Variants in VAV1 observed in about 807,000 individuals in gnomAD.
The protein encoded by VAV1 is proto-oncogene vav.
Under a neutral mutation model 128.1 loss-of-function variants are expected in VAV1, and 33 were observed. The ratio of observed to expected loss-of-function variants is 0.26; its 90% CI spans 0.20 to 0.34. The LOEUF (loss-of-function observed/expected upper bound fraction) is 0.34, where lower values mean the gene tolerates loss of function less well. Ranked by LOEUF, VAV1 falls within the 10% of genes least tolerant of loss-of-function variation. VAV1 has a pLI of 1.00. For missense variants in VAV1, 715 were observed against 1,093.7 expected (o/e 0.65, Z 4.88); for synonymous variants, 394 against 409.8 (o/e 0.96, Z 0.47).
intron 22 of VAV1, among the ~76,000 whole-genome samples, chr19:6,847,335 G>C (rs1451517389): frequency 2.0e-5 from 3 of 152,060 alleles, no homozygotes; most frequent in African/African-American, 7.2e-5. Context: ...CAGCCCCCGG[G>C]AACCAAGGGT....
Position 6,837,040 on chromosome 19 carries a change from C to A in VAV1, c.1970C>A (p.Pro657His), listed in dbSNP as rs1438844911. Reference protein sequence around the residue: ...IGWFPCNRVKPYVHGPPQDLS... With the variant: ...IGWFPCNRVKHYVHGPPQDLS... The stretch of plus-strand genomic sequence containing the variant: ...TGGTTTCCTTGTAACAGGGTGAAGC[C>A]CTATGTCCATGTGAGTGCCTCAAGT... The change falls in exon 21 of 27, where the codon CCC (proline) becomes CAC (histidine). Residue 657 changes from proline to histidine, a missense_variant. Physicochemically the swap from Pro to His is moderately conservative, Grantham distance 77. Coordinates refer to ENST00000602142, the MANE Select transcript of VAV1 (RefSeq NM_005428.4). 1 of 1,614,064 alleles carries A rather than the reference C, an allele frequency of 6.2e-7. No individual in the cohort carries two copies. The highest frequency in any genetic ancestry group is 1.1e-5 in the South Asian group (1 of 91,068).
chr19:6,854,601 G>A (rs913331772), intron 26 of VAV1, among the ~76,000 whole-genome samples: 5 of 152,194 alleles, frequency 3.3e-5, no homozygotes, highest in Admixed American at 2.0e-4. Flanking sequence ...GTGTGTCCCA[G>A]GTACTCAGGA....
At chr19:6,791,671 G>A (rs373395748) in intron 1 of VAV1, among the ~76,000 whole-genome samples, 82 of 152,308 alleles carry the variant, frequency 5.4e-4, no homozygotes, top group South Asian at 2.9e-3. Context: ...ATCTTTAGAG[G>A]GGGCCAGACC....
At chr19:6,793,796 CCTCT>C (rs1399190073) in intron 1 of VAV1, among the ~76,000 whole-genome samples, 20 of 152,198 alleles carry the variant, frequency 1.3e-4, no homozygotes, top group African/African-American at 4.8e-4. Flanking sequence ...TCACACAGAA[CCTCT>C]CTGTGACTCA....
intron 25 of VAV1, 93 bp from the exon 26 acceptor site, chr19:6,853,854 A>T (rs774080546): frequency 3.3e-6 from 5 of 1,518,968 alleles, no homozygotes; most frequent in Non-Finnish European, 4.4e-6. Context: ...GGAGCCCTTT[A>T]TCCTGGAGTT....
chr19:6,822,701 G>C lies in VAV1; in HGVS notation c.654+187G>C, dbSNP rs1971823697. On this transcript the variant is annotated intron_variant, in intron 6 of 26. Coordinates refer to ENST00000602142, the MANE Select transcript of VAV1 (RefSeq NM_005428.4). The surrounding 1 kb of genome is among the most constrained non-coding windows in gnomAD (Gnocchi z 5.9). ...ATGTATATATAAATATGAGTCTGAC[G>C]TATATATATATTAAAAAATATATAT... Among the ~76,000 whole-genome samples, 1 of 149,256 alleles carries C rather than the reference G, an allele frequency of 6.7e-6. No homozygotes were observed. The highest frequency in any genetic ancestry group is 2.4e-5 in the African/African-American group (1 of 40,888).
At position 6,826,727 on chromosome 19, in the gene VAV1, C is replaced by T. The variant is rs1180241917; in HGVS notation, c.927+16C>T. The T allele has an allele frequency of 6.5e-7, 1 of 1,536,214 alleles. No homozygotes were observed. The highest frequency in any genetic ancestry group is 2.4e-5 in the East Asian group (1 of 41,032). On this transcript the variant is annotated intron_variant, in intron 9 of 26. Coordinates refer to ENST00000602142, the MANE Select transcript of VAV1 (RefSeq NM_005428.4). The surrounding 1 kb of genome is among the most constrained non-coding windows in gnomAD (Gnocchi z 4.1). Reference sequence around the variant, plus strand: ...GAAGCTGGAGGTGGGCGCCGGGCCACTTCTCGGGGGCCTCTCCCGCTCCTC... The same window carrying T: ...GAAGCTGGAGGTGGGCGCCGGGCCATTTCTCGGGGGCCTCTCCCGCTCCTC...
chr19:6,813,503 A>G (rs80126952), intron 1 of VAV1, among the ~76,000 whole-genome samples: 8,672 of 152,256 alleles, frequency 0.057, 360 homozygotes, highest in African/African-American at 0.11. Flanking sequence ...GCTATGGACC[A>G]TTGGGGGCCA....
At chr19:6,791,704 G>T (rs1235455692) in intron 1 of VAV1, among the ~76,000 whole-genome samples, 1 of 152,154 alleles carries the variant, frequency 6.6e-6, no homozygotes, top group African/African-American at 2.4e-5. Flanking sequence ...TAAACAAATA[G>T]ACAAAACGCT....
intron 1 of VAV1, among the ~76,000 whole-genome samples, chr19:6,802,031 C>T (rs557750767): frequency 2.8e-5 from 1 of 36,108 alleles, no homozygotes; most frequent in East Asian, 1.9e-3. Context: ...GAACCGTCCT[C>T]ATAATGCCTC....
intron 1 of VAV1, among the ~76,000 whole-genome samples, chr19:6,774,650 G>A (rs180941653): frequency 6.7e-6 from 1 of 149,048 alleles, no homozygotes; most frequent in Non-Finnish European, 1.5e-5. Context: ...GGCCAGGCTA[G>A]TCTTGAACTC....
At chr19:6,791,310 CTTGAG>C (rs1568286666) in intron 1 of VAV1, among the ~76,000 whole-genome samples, 1 of 152,106 alleles carries the variant, frequency 6.6e-6, no homozygotes, top group Non-Finnish European at 1.5e-5. Context: ...TCTTAAGGTC[CTTGAG>C]TTATTTCCTC....
chr19:6,854,585 G>A (rs1008416223), intron 26 of VAV1, among the ~76,000 whole-genome samples: 12 of 152,016 alleles, frequency 7.9e-5, no homozygotes, highest in East Asian at 5.8e-4. Context: ...TTAGTTGGGC[G>A]TGGTAGTGTG....
chr19:6,818,927 C>G (rs1278779234), intron 1 of VAV1, among the ~76,000 whole-genome samples: 1 of 152,114 alleles, frequency 6.6e-6, no homozygotes, highest in African/African-American at 2.4e-5. Context: ...ACCAGCCTGA[C>G]CAACATGGTG....
chr19:6,820,637 C>G lies in VAV1; in HGVS notation c.205-65C>G, dbSNP rs763886100. On this transcript the variant is annotated intron_variant, in intron 1 of 26. Coordinates refer to ENST00000602142, the MANE Select transcript of VAV1 (RefSeq NM_005428.4). The surrounding 1 kb of genome is among the most constrained non-coding windows in gnomAD (Gnocchi z 4.4). ...CACACCAGTCCCCAAGCTAGGTGGCCTGGGGGTCAGTTTCTCCCCTGCCCT... is the reference window on the plus strand; with the variant it reads ...CACACCAGTCCCCAAGCTAGGTGGCGTGGGGGTCAGTTTCTCCCCTGCCCT... The G allele has an allele frequency of 7.3e-6, 10 of 1,372,938 alleles. No homozygotes were observed. The highest frequency in any genetic ancestry group is 9.3e-6 in the Non-Finnish European group (9 of 962,610). 85.0% of individuals were successfully genotyped at this position (1,372,938 alleles called of 1,614,324 possible).
intron 1 of VAV1, among the ~76,000 whole-genome samples, chr19:6,797,030 G>A (rs1236883829): frequency 1.3e-5 from 2 of 152,102 alleles, no homozygotes; most frequent in South Asian, 4.2e-4. Flanking sequence ...TTGAGGTCAG[G>A]AGACCAGCCC....
intron 9 of VAV1, among the ~76,000 whole-genome samples, chr19:6,827,352 C>T (rs759937801): frequency 6.6e-6 from 1 of 152,072 alleles, no homozygotes; most frequent in East Asian, 1.9e-4. Context: ...ACCACAGCCT[C>T]GACCTCCTGG....
chr19:6,791,412 G>A (rs777012664), intron 1 of VAV1, among the ~76,000 whole-genome samples: 8 of 151,560 alleles, frequency 5.3e-5, no homozygotes, highest in African/African-American at 1.9e-4. Context: ...TCCTCATCTC[G>A]AGGTCCTTGA....
At chr19:6,829,659 G>C in intron 13 of VAV1, 127 bp from the exon 14 acceptor site, 2 of 1,391,834 alleles carry the variant, frequency 1.4e-6, no homozygotes, top group Non-Finnish European at 2.0e-6. Flanking sequence ...TGGACAGGTG[G>C]GCATGGCCAA....
Sources: allele counts gnomAD v4.1 joint callset (sites outside exome capture counted in the v4.1 genomes callset), GRCh38; gene constraint gnomAD v4.1.1; non-coding constraint Gnocchi (gnomAD v3.1); transcripts MANE v1.5; gene names NCBI Gene and HGNC (gene_info 2026-07-23, HGNC 2026-07-21).